USP3: variants seen among roughly 807,000 people sequenced by gnomAD.
USP3 encodes ubiquitin specific peptidase 3, also known as ubiquitin carboxyl-terminal hydrolase 3.
USP3 carries 20 observed loss-of-function variants against 72.3 expected under a neutral mutation model. The observed-to-expected ratio is 0.28, with a 90% CI of 0.19 to 0.40. The LOEUF (loss-of-function observed/expected upper bound fraction) is 0.40. Among genes scored for constraint, USP3 ranks in the 10% least tolerant of loss-of-function variants. The pLI is 1.00. For missense variants in USP3, 479 were observed against 633.9 expected, an observed-to-expected ratio of 0.76 and a Z score of 2.62; for synonymous variants, 222 against 225.3, an observed-to-expected ratio of 0.99 and a Z score of 0.13.
At chr15:63,554,305 A>G (rs1383200852) in intron 4 of USP3, among the ~76,000 whole-genome samples, 1 of 152,230 alleles carries the variant, frequency 6.6e-6, no homozygotes, top group African/African-American at 2.4e-5. Context: ...GGGGCAGTTA[A>G]ATATCAGTTG....
intron 1 of USP3, among the ~76,000 whole-genome samples, chr15:63,508,068 A>G (rs74024859): frequency 0.011 from 1,712 of 152,274 alleles, 28 homozygotes; most frequent in African/African-American, 0.039. Context: ...ATGTCACATC[A>G]TGCAGCCTCA....
rs2066297339 is a variant in USP3, at chr15:63,544,857, G to A, written c.284+7701G>A. On this transcript the variant is annotated intron_variant, in intron 3 of 14. Transcript: ENST00000380324. This position sits in a 1 kb window ranked among gnomAD's most constrained non-coding sequence, Gnocchi z 4.2. ...AATATCTAAGCAAGGCTGACATTGT[G>A]GGGACCATCAAATACTATACTTAGT... 4.8e-6 allele frequency: 3 copies of A among 628,486 alleles called. No homozygotes were observed. The highest frequency in any genetic ancestry group is 5.7e-6 in the Non-Finnish European group (2 of 351,634). The allele number at this position is 628,486 out of a possible 1,614,324, so 38.9% of individuals were successfully genotyped here.
chr15:63,583,182 A>G (rs12917556), intron 11 of USP3, among the ~76,000 whole-genome samples: 149,260 of 152,286 alleles, frequency 0.98, 73,230 homozygotes, highest in East Asian at 1. Context: ...TAGGTAGCAC[A>G]GGCAACAATG....
At chr15:63,509,121 T>A (rs1490620116) in intron 1 of USP3, among the ~76,000 whole-genome samples, 2 of 152,132 alleles carry the variant, frequency 1.3e-5, no homozygotes, top group Non-Finnish European at 2.9e-5. Context: ...GAGTGATGGG[T>A]TATTTTGTAT....
At chr15:63,523,201 G>C (rs1391164301) in intron 1 of USP3, among the ~76,000 whole-genome samples, 2 of 152,160 alleles carry the variant, frequency 1.3e-5, no homozygotes, top group Non-Finnish European at 2.9e-5. Context: ...TTGAGGGAAT[G>C]GAACTGACAT....
chr15:63,537,791 C>T (rs1008530730), intron 3 of USP3, among the ~76,000 whole-genome samples: 2 of 152,044 alleles, frequency 1.3e-5, no homozygotes, highest in Admixed American at 6.5e-5. Context: ...GTTCAAGCAA[C>T]TCTCCTGCCT....
At chr15:63,551,818 A>C (rs2066440495) in intron 3 of USP3, 1 of 152,248 alleles carries the variant, frequency 6.6e-6, no homozygotes, top group Admixed American at 6.5e-5. Flanking sequence ...TCTGGAGTCT[A>C]GATCAACTTA....
intron 1 of USP3, among the ~76,000 whole-genome samples, chr15:63,510,504 G>A (rs547478229): frequency 6.6e-6 from 1 of 152,268 alleles, no homozygotes; most frequent in African/African-American, 2.4e-5. Context: ...TTAGTCGGTA[G>A]ATTATCATTG....
At chr15:63,547,309 G>A (rs4497631) in intron 3 of USP3, among the ~76,000 whole-genome samples, 116,693 of 151,946 alleles carry the variant, frequency 0.77, 46,490 homozygotes, top group African/African-American at 0.84. Context: ...TTACATTCTT[G>A]AAATAAATGT....
intron 1 of USP3, among the ~76,000 whole-genome samples, chr15:63,531,545 G>A (rs1265225418): frequency 6.6e-6 from 1 of 152,108 alleles, no homozygotes; most frequent in East Asian, 1.9e-4. Flanking sequence ...ACGCTGAAAG[G>A]GCTTACAGTT....
At chr15:63,524,866 G>T (rs1339116108) in intron 1 of USP3, among the ~76,000 whole-genome samples, 1 of 152,158 alleles carries the variant, frequency 6.6e-6, no homozygotes, top group African/African-American at 2.4e-5. Flanking sequence ...CATATTCAGT[G>T]CGTTGGGGCA....
At chr15:63,547,743 AGGGAGG>A (rs1210005212) in intron 3 of USP3, among the ~76,000 whole-genome samples, 2 of 7,656 alleles carry the variant, frequency 2.6e-4, no homozygotes, top group South Asian at 3.6e-3. Flanking sequence ...AGAGAGAGAG[AGGGAGG>A]GAGGGAGGGA....
intron 11 of USP3, among the ~76,000 whole-genome samples, chr15:63,581,031 C>T (rs542574724): frequency 6.6e-6 from 1 of 152,236 alleles, no homozygotes; most frequent in Non-Finnish European, 1.5e-5. Context: ...GTCTCAGACT[C>T]CTGACCTCGA....
chr15:63,507,082 A>T (rs2065723323), intron 1 of USP3, among the ~76,000 whole-genome samples: 2 of 150,710 alleles, frequency 1.3e-5, no homozygotes, highest in South Asian at 2.1e-4. Context: ...TTTCTCCCAC[A>T]CTCTTGATTT....
intron 1 of USP3, among the ~76,000 whole-genome samples, chr15:63,512,302 C>CTCCTCTTCTTCTTCTTCCTCTTCT (rs2065795252): frequency 6.8e-6 from 1 of 147,440 alleles, no homozygotes; most frequent in Admixed American, 6.8e-5. Context: ...CTTCTTCTTC[C>CTCCTCTTCTTCTTCTTCCTCTTCT]TCCTCTTCTT....
Position 63,513,081 on chromosome 15 carries a change from A to T in USP3, c.91+8251A>T, listed in dbSNP as rs569416507. Among the ~76,000 whole-genome samples, 12 of 152,330 alleles carry T rather than the reference A, an allele frequency of 7.9e-5. No homozygotes were observed. The South Asian group carries it at 2.5e-3, about 32-fold the overall frequency. Reference sequence around the variant, plus strand: ...TGCTTTAGAATCCAGTAGCTCTATCAGTGTGAGCTGTTTCCATTCTTGAGT... The same window carrying T: ...TGCTTTAGAATCCAGTAGCTCTATCTGTGTGAGCTGTTTCCATTCTTGAGT... On this transcript the variant is annotated intron_variant, in intron 1 of 14. Transcript: ENST00000380324.
intron 1 of USP3, among the ~76,000 whole-genome samples, chr15:63,523,802 G>C (rs554062424): frequency 6.6e-6 from 1 of 152,278 alleles, no homozygotes; most frequent in African/African-American, 2.4e-5. Flanking sequence ...AGCAGAATGA[G>C]TAATGTTCTC....
At position 63,588,325 on chromosome 15, in the gene USP3, G is replaced by A. The variant is rs1439652794; in HGVS notation, c.1117G>A (p.Asp373Asn). Residue 373 changes from aspartate to asparagine, a missense_variant, in exon 12 of 15, where the codon GAC (aspartate) becomes AAC (asparagine). Transcript: ENST00000380324. The surrounding 1 kb of genome is among the most constrained non-coding windows in gnomAD (Gnocchi z 4.6). Reference sequence around the variant, plus strand: ...TTTAGATTGTCTTCGCAGTTTTACCGACTTAGAAGAACTTGATGAGACAGA... The same window carrying A: ...TTTAGATTGTCTTCGCAGTTTTACCAACTTAGAAGAACTTGATGAGACAGA... ...SLRDCLRSFT[D>N]LEELDETELY... The A allele has an allele frequency of 2.5e-6, 4 of 1,594,754 alleles. No homozygotes were observed. The highest frequency in any genetic ancestry group is 2.7e-5 in the African/African-American group (2 of 73,510).
intron 9 of USP3, among the ~76,000 whole-genome samples, chr15:63,572,830 A>T (rs537126026): frequency 3.2e-4 from 48 of 152,336 alleles, no homozygotes; most frequent in African/African-American, 1.2e-3. Flanking sequence ...AATGATAGCA[A>T]ACAATTGAAA....
Sources: gnomAD v4.1 joint callset for allele counts (sites outside exome capture counted in the v4.1 genomes callset) on GRCh38, gnomAD v4.1.1 for gene constraint, Gnocchi (gnomAD v3.1) non-coding constraint, MANE v1.5 for transcripts, NCBI Gene and HGNC (gene_info 2026-07-23, HGNC 2026-07-21) for gene names.